The following AOX1 variants were observed in gnomAD, a reference collection of about 807,000 sequenced individuals.
AOX1 encodes the protein aldehyde oxidase.
Under a neutral mutation model 169.5 loss-of-function variants are expected in AOX1, and 153 were observed. The ratio of observed to expected loss-of-function variants is 0.90; its 90% CI spans 0.79 to 1.03. The LOEUF is 1.03. Among genes scored for constraint, AOX1 ranks in the 50% least tolerant of loss-of-function variants. The pLI is 0.00. For missense variants in AOX1, 1,656 were observed against 1,663.9 expected (o/e 1.00, Z 0.08); for synonymous variants, 562 against 581.9 (o/e 0.97, Z 0.49).
chr2:200,589,192 C>T (rs1322834537), intron 1 of AOX1, among the ~76,000 whole-genome samples: 4 of 152,114 alleles, frequency 2.6e-5, no homozygotes, highest in East Asian at 1.9e-4. Context: ...CAGAAGGTAA[C>T]GACATCTGGA....
At chr2:200,667,147 C>T (rs761423847) in intron 32 of AOX1, among the ~76,000 whole-genome samples, 1 of 152,174 alleles carries the variant, frequency 6.6e-6, no homozygotes, top group East Asian at 1.9e-4. Flanking sequence ...AGAGCAGTAG[C>T]TGTTGGTAGG....
intron 20 of AOX1, among the ~76,000 whole-genome samples, chr2:200,632,558 T>C (rs1236899292): frequency 1.3e-5 from 2 of 152,046 alleles, no homozygotes; most frequent in African/African-American, 4.8e-5. Context: ...AGAAAGAAAG[T>C]CTATTGTATA....
Position 200,616,016 on chromosome 2 carries a change from T to G in AOX1, c.1657T>G (p.Leu553Val). 6.2e-7 allele frequency: 1 copy of G among 1,613,960 alleles called. No individual in the cohort carries two copies. Among genetic ancestry groups the G allele is most frequent in the Non-Finnish European group, 8.5e-7 (1 of 1,179,850 alleles). ...PSLADKYESALEDLHSKHHCS... is the reference protein window; with the variant it reads ...PSLADKYESAVEDLHSKHHCS... Reference sequence around the variant, plus strand: ...CCTTGCAGACAAGTATGAAAGTGCTTTAGAAGATCTTCATTCCAAACATCA... The same window carrying G: ...CCTTGCAGACAAGTATGAAAGTGCTGTAGAAGATCTTCATTCCAAACATCA... The change falls in exon 16 of 35, where the codon TTA becomes GTA. Residue 553 changes from leucine (L) to valine (V), a missense_variant. Transcript: ENST00000374700.
At chr2:200,674,020 A>G (rs1036920552), downstream of AOX1, among the ~76,000 whole-genome samples, 7 of 152,240 alleles carry the variant, frequency 4.6e-5, no homozygotes, top group Middle Eastern at 3.2e-3. Context: ...AAAGCTATAC[A>G]GTAAGAAGGA....
rs202150667 is a variant in AOX1 at position 200,656,708 on chromosome 2, AC to A, written c.3076-132del. The stretch of plus-strand genomic sequence containing the variant: ...CTGGTTTCCCCCACCCCAAAAAGAA[AC>A]CTAAAATGTTGCTCCACCCTGGGGG... On this transcript the variant is annotated intron_variant, in intron 26 of 34. Coordinates refer to ENST00000374700, the MANE Select transcript of AOX1 (RefSeq NM_001159.4). 614 of 504,654 alleles carry A rather than the reference AC, an allele frequency of 1.2e-3. 4 individuals carry two copies. Among genetic ancestry groups the A allele is most frequent in the African/African-American group, 0.011 (574 of 50,398 alleles). The allele number at this position is 504,654 out of a possible 1,614,324, so 31.3% of individuals were successfully genotyped here. A position where few individuals can be genotyped will look rare whatever the true frequency, so the allele number is the denominator to read the frequency against.
Position 200,661,601 on chromosome 2 carries a change from G to A in AOX1, c.3398G>A (p.Ser1133Asn), listed in dbSNP as rs754581986. The A allele has an allele frequency of 6.2e-7, 1 of 1,613,494 alleles. No homozygotes were observed. Among genetic ancestry groups the A allele is most frequent in the Non-Finnish European group, 8.5e-7 (1 of 1,179,544 alleles). The change falls in exon 30 of 35, where the codon AGC becomes AAC. Residue 1133 changes from serine (S) to asparagine (N), a missense_variant. Ser to Asn is a conservative substitution (Grantham distance 46, BLOSUM62 1). Coordinates refer to ENST00000374700, the MANE Select transcript of AOX1 (RefSeq NM_001159.4). ...CAGGCACAGACTGCTTTTGATGAAA[G>A]CATTAACCTTTCAGCTGTTGGATAC... is the stretch of plus-strand genomic sequence containing the variant. ...KDWAQTAFDE[S>N]INLSAVGYFR... is the part of the protein sequence containing the mutation.
At chr2:200,675,330 A>T (rs2105782844), downstream of AOX1, among the ~76,000 whole-genome samples, 1 of 152,302 alleles carries the variant, frequency 6.6e-6, no homozygotes, top group South Asian at 2.1e-4. Context: ...AAAATAATCA[A>T]AGGAGAGAAG....
intron 26 of AOX1, 78 bp from the exon 27 acceptor site, chr2:200,656,764 A>G: frequency 1.8e-6 from 2 of 1,097,844 alleles, no homozygotes; most frequent in South Asian, 2.2e-5. Context: ...AAATATTTCC[A>G]AGGAAAATGT....
chr2:200,587,454 G>A (rs1463889559), intron 1 of AOX1, among the ~76,000 whole-genome samples: 1 of 152,190 alleles, frequency 6.6e-6, no homozygotes, highest in Non-Finnish European at 1.5e-5. Flanking sequence ...TCCCCTGGAA[G>A]CTAACCAGTG....
intron 1 of AOX1, among the ~76,000 whole-genome samples, chr2:200,587,738 C>G (rs1402348712): frequency 6.6e-6 from 1 of 151,992 alleles, no homozygotes; most frequent in Non-Finnish European, 1.5e-5. Context: ...TTTTTTTCTT[C>G]TTTTGCATAA....
At chr2:200,675,297 A>G (rs891973541), downstream of AOX1, among the ~76,000 whole-genome samples, 1 of 152,228 alleles carries the variant, frequency 6.6e-6, no homozygotes, top group Non-Finnish European at 1.5e-5. Flanking sequence ...CTACAGATAG[A>G]TAAATAAAAA....
At position 200,662,842 on chromosome 2, in the gene AOX1, CTG is replaced by C. The variant is rs760659867; in HGVS notation, c.3429-11_3429-10del. The C allele has an allele frequency of 6.2e-7, 1 of 1,607,890 alleles. No homozygotes were observed. Among genetic ancestry groups the C allele is most frequent in the Admixed American group, 1.7e-5 (1 of 60,012 alleles). On this transcript the variant is annotated splice_polypyrimidine_tract_variant and intron_variant, in intron 30 of 34. Transcript: ENST00000374700. ...GGACGTGATCACTTAACAACACTCACTGTTTCTTCCAGAGGTTATGAGTCAGA... is the reference window on the plus strand; with the variant it reads ...GGACGTGATCACTTAACAACACTCACTTTCTTCCAGAGGTTATGAGTCAGA...
chr2:200,620,934 A>G (rs759885842), intron 17 of AOX1, 115 bp downstream of exon 17: 178 of 1,323,656 alleles, frequency 1.3e-4, no homozygotes, highest in Non-Finnish European at 1.8e-4. Context: ...TATCCAATGC[A>G]GACCAGAGGT....
chr2:200,669,214 C>A lies in AOX1; in HGVS notation c.3799-361C>A, dbSNP rs893218687. Among the ~76,000 whole-genome samples, 14 of 152,232 alleles carry A rather than the reference C, an allele frequency of 9.2e-5. No individual in the cohort carries two copies. In the Middle Eastern group the frequency reaches 0.014, roughly 148 times the overall value. On this transcript the variant is annotated intron_variant, in intron 33 of 34. Transcript: ENST00000374700. ...ATCCAAGCACTTTGGGAGGCCAAGG[C>A]GGGCAGATCACCTGAGTCCAAGAGT... is the stretch of plus-strand genomic sequence containing the variant.
At chr2:200,590,782 G>C (rs926027653) in intron 1 of AOX1, among the ~76,000 whole-genome samples, 9 of 152,120 alleles carry the variant, frequency 5.9e-5, no homozygotes, top group South Asian at 2.1e-4. Flanking sequence ...TTAAAACGGG[G>C]CTTCTATTGT....
chr2:200,595,695 GA>G (rs113325589), intron 3 of AOX1, among the ~76,000 whole-genome samples: 38 of 146,736 alleles, frequency 2.6e-4, no homozygotes, highest in East Asian at 4.0e-4. Flanking sequence ...TTGTCTCTAA[GA>G]AAAAAAAAAA....
At chr2:200,655,742 A>T (rs1363722313) in intron 26 of AOX1, among the ~76,000 whole-genome samples, 1 of 152,120 alleles carries the variant, frequency 6.6e-6, no homozygotes, top group Non-Finnish European at 1.5e-5. Flanking sequence ...TTGGATACAA[A>T]TAAAGAGACA....
chr2:200,595,281 C>A lies in AOX1; in HGVS notation c.113C>A (p.Thr38Lys), dbSNP rs1225253123. The A allele has an allele frequency of 6.2e-7, 1 of 1,612,580 alleles. No homozygotes were observed. Among genetic ancestry groups the A allele is most frequent in the Admixed American group, 1.7e-5 (1 of 59,918 alleles). Residue 38 changes from threonine (T) to lysine (K), a missense_variant, in exon 3 of 35, where the codon ACA becomes AAA. Transcript: ENST00000374700. ...LPYLRKKLRL[T>K]GTKYGCGGGG... ...ACTATACCTCTTCCAGTTCGACTCA[C>A]AGGAACTAAGTATGGCTGTGGAGGA...
At position 200,637,037 on chromosome 2, in the gene AOX1, G is replaced by T. The variant is rs746205075; in HGVS notation, c.2473G>T (p.Ala825Ser). ...CATTGCAGCCGTCACTGCATTTGCC[G>T]CAAACAAGTAAGTGGAGAAAATCTG... ...GIIAAVTAFA[A>S]NKHGRAVRCV... The change falls in exon 22 of 35, where the codon GCA becomes TCA. Residue 825 changes from alanine (A) to serine (S), a missense_variant. Ala to Ser is a moderately conservative substitution (Grantham distance 99). Coordinates refer to ENST00000374700, the MANE Select transcript of AOX1 (RefSeq NM_001159.4). The T allele has an allele frequency of 1.9e-6, 3 of 1,613,676 alleles. No homozygotes were observed. The highest frequency in any genetic ancestry group is 1.7e-6 in the Non-Finnish European group (2 of 1,179,828).
Sources: allele counts gnomAD v4.1 joint callset (sites outside exome capture counted in the v4.1 genomes callset), GRCh38; gene constraint gnomAD v4.1.1; transcripts MANE v1.5; gene names NCBI Gene and HGNC (gene_info 2026-07-23, HGNC 2026-07-21).